MGAM: variants seen among roughly 807,000 people sequenced by gnomAD.
MGAM encodes the protein alpha-1,4-glucosidase.
Under a neutral mutation model 358.8 loss-of-function variants are expected in MGAM, and 253 were observed. The ratio of observed to expected loss-of-function variants is 0.71; its 90% CI spans 0.64 to 0.78. The LOEUF (loss-of-function observed/expected upper bound fraction) is 0.78. Among genes scored for constraint, MGAM ranks in the 30% least tolerant of loss-of-function variants. The pLI is 0.00. For synonymous variants in MGAM, 1,105 were observed against 1,227.1 expected (o/e 0.90, Z 2.08); for missense variants, 3,080 against 3,432.6 (o/e 0.90, Z 2.57).
chr7:142,080,831 C>T lies in MGAM; in HGVS notation c.5888C>T (p.Pro1963Leu), dbSNP rs73738778. The change falls in exon 50 of 71, where the codon CCT becomes CTT. Residue 1963 changes from proline to leucine, a missense_variant. Pro to Leu is a moderately conservative substitution (Grantham distance 98). Transcript: ENST00000475668. Reference sequence around the variant, plus strand: ...AACAATCGGTATGAAGTTCCAGTCCCTCTGAACATACCCAGCGTGCCATCC... The same window carrying T: ...AACAATCGGTATGAAGTTCCAGTCCTTCTGAACATACCCAGCGTGCCATCC... ...PNNNRYEVPV[P>L]LNIPSVPSST... 5.1e-3 allele frequency: 7,981 copies of T among 1,556,342 alleles called. 661 individuals are homozygous for T. In the African/African-American group the frequency reaches 0.09, roughly 17 times the overall value.
chr7:142,004,694 A>G (rs1235141918), intron 1 of MGAM, among the ~76,000 whole-genome samples: 2 of 152,064 alleles, frequency 1.3e-5, no homozygotes, highest in Non-Finnish European at 2.9e-5. Context: ...AATTAAAATC[A>G]GTACAAAATA....
chr7:142,001,333 T>C (rs1804716836), intron 1 of MGAM, among the ~76,000 whole-genome samples: 1 of 152,186 alleles, frequency 6.6e-6, no homozygotes, highest in Non-Finnish European at 1.5e-5. Context: ...GAGAAGTAAG[T>C]CCTCTTATTC....
At chr7:142,062,000 G>A (rs1164985560) in intron 34 of MGAM, among the ~76,000 whole-genome samples, 5 of 152,314 alleles carry the variant, frequency 3.3e-5, no homozygotes, top group African/African-American at 1.2e-4. Flanking sequence ...AAAATAAAGG[G>A]AAGTTGATGC....
intron 67 of MGAM, 56 bp downstream of exon 67, chr7:142,099,793 A>C: frequency 6.3e-7 from 1 of 1,592,952 alleles, no homozygotes; most frequent in Non-Finnish European, 8.6e-7. Flanking sequence ...ACAATTTGTA[A>C]TGAAGTCCAC....
rs953562728 is a variant in MGAM at position 142,097,499 on chromosome 7, C to T, written c.7693-94C>T. 4 of 1,247,004 alleles carry T rather than the reference C, an allele frequency of 3.2e-6. No homozygotes were observed. The African/African-American group carries it at 5.9e-5, about 18-fold the overall frequency. 77.2% of individuals were successfully genotyped at this position (1,247,004 alleles called of 1,614,324 possible). A position where few individuals can be genotyped will look rare whatever the true frequency, so the allele number is the denominator to read the frequency against. The stretch of plus-strand genomic sequence containing the variant: ...GGACATGAGGCAAGTGGGCCCAAGG[C>T]CATCACAATTATTTAACCTCTTTCC... On this transcript the variant is annotated intron_variant, in intron 65 of 70. Transcript: ENST00000475668.
chr7:142,068,536 G>C, intron 42 of MGAM, 111 bp from the exon 43 acceptor site: 1 of 863,648 alleles, frequency 1.2e-6, no homozygotes, highest in Non-Finnish European at 1.9e-6. Context: ...TGGGACATGA[G>C]GCAGCTGGGT....
intron 54 of MGAM, among the ~76,000 whole-genome samples, chr7:142,084,979 C>T (rs1255123829): frequency 6.8e-6 from 1 of 146,290 alleles, no homozygotes; most frequent in Non-Finnish European, 1.5e-5. Flanking sequence ...AAATAATATC[C>T]ACAGTTCTTT....
intron 21 of MGAM, among the ~76,000 whole-genome samples, chr7:142,041,067 T>G (rs1808484928): frequency 6.6e-6 from 1 of 152,134 alleles, no homozygotes. Flanking sequence ...TGCATCCATG[T>G]TTCTTTACCC....
At chr7:142,052,217 A>G (rs1347786225) in intron 24 of MGAM, 77 bp from the exon 25 acceptor site, 1 of 1,203,238 alleles carries the variant, frequency 8.3e-7, no homozygotes, top group Non-Finnish European at 1.1e-6. Context: ...TTTTTTTTTT[A>G]TCGAAAAAAA....
chr7:142,006,462 GA>G (rs1264373014), intron 2 of MGAM, among the ~76,000 whole-genome samples: 1 of 152,120 alleles, frequency 6.6e-6, no homozygotes, highest in Non-Finnish European at 1.5e-5. Context: ...TGGCCCTCCA[GA>G]AAGTCAACAA....
At chr7:142,011,323 T>A (rs1266999858) in intron 3 of MGAM, among the ~76,000 whole-genome samples, 1 of 152,230 alleles carries the variant, frequency 6.6e-6, no homozygotes, top group Non-Finnish European at 1.5e-5. Flanking sequence ...TTGGGGATCA[T>A]GTTTTATGAT....
chr7:141,993,651 A>G (rs1321001227), upstream of MGAM, among the ~76,000 whole-genome samples: 1 of 152,192 alleles, frequency 6.6e-6, no homozygotes, highest in Non-Finnish European at 1.5e-5. Context: ...GGAGGGGGAA[A>G]ATATTTACAT....
chr7:141,996,049 A>C (rs1584883890), intron 1 of MGAM, 119 bp downstream of exon 1: 1 of 152,252 alleles, frequency 6.6e-6, no homozygotes, highest in Non-Finnish European at 1.5e-5. Context: ...AGTGGCTCAC[A>C]CTTGTAATCC....
At chr7:142,063,800 A>G (rs1812461336) in intron 36 of MGAM, among the ~76,000 whole-genome samples, 1 of 152,238 alleles carries the variant, frequency 6.6e-6, no homozygotes, top group Non-Finnish European at 1.5e-5. Context: ...AAATTTGTCC[A>G]GAAAGCACTT....
In MGAM at chr7:142,056,035, C is replaced by T. The variant is rs1266692848; in HGVS notation, c.3519C>T (p.Tyr1173=). The T allele has an allele frequency of 6.2e-7, 1 of 1,612,180 alleles. No individual in the cohort carries two copies. The highest frequency in any genetic ancestry group is 1.1e-5 in the South Asian group (1 of 90,502). The change falls in exon 29 of 71, where the codon TAC becomes TAT. Residue 1173 remains tyrosine, a synonymous_variant. Coordinates refer to ENST00000475668, the MANE Select transcript of MGAM (RefSeq NM_001365693.1). ...KKNSYGVHPY[Y]MGLEEDGSAH... ...ATTCCTATGGTGTCCACCCCTACTA[C>T]ATGGGGCTGGAGGAGGACGGCAGTG...
At chr7:142,103,483 A>G in intron 70 of MGAM, 44 bp downstream of exon 70, 1 of 1,523,984 alleles carries the variant, frequency 6.6e-7, no homozygotes, top group Non-Finnish European at 8.8e-7. Context: ...TCCACCCTTA[A>G]TATGCCTAGT....
intron 3 of MGAM, among the ~76,000 whole-genome samples, chr7:142,014,592 C>G (rs1226964141): frequency 6.6e-6 from 1 of 152,046 alleles, no homozygotes; most frequent in East Asian, 1.9e-4. Flanking sequence ...CATATCCCTT[C>G]TGTATTATTA....
At chr7:142,087,430 C>G (rs372731056) in intron 57 of MGAM, among the ~76,000 whole-genome samples, 2 of 146,194 alleles carry the variant, frequency 1.4e-5, no homozygotes, top group Non-Finnish European at 3.1e-5. Context: ...ACGGCCCCAT[C>G]CTCTGGCCAA....
chr7:142,046,314 T>C (rs10258756), intron 21 of MGAM, among the ~76,000 whole-genome samples: 94,561 of 151,132 alleles, frequency 0.63, 30,158 homozygotes, highest in African/African-American at 0.73. Flanking sequence ...GTTAACTTTG[T>C]TGACTTTCTT....
Sources: gnomAD v4.1 joint callset for allele counts (sites outside exome capture counted in the v4.1 genomes callset) on GRCh38, gnomAD v4.1.1 for gene constraint, MANE v1.5 for transcripts, NCBI Gene and HGNC (gene_info 2026-07-23, HGNC 2026-07-21) for gene names.